The following GRIP1 variants were observed in gnomAD, a reference collection of about 807,000 sequenced individuals.
The protein encoded by GRIP1 is glutamate receptor-interacting protein 1.
GRIP1 carries 45 observed loss-of-function variants against 129.9 expected under a neutral mutation model. The observed-to-expected ratio is 0.35, with a 90% CI of 0.27 to 0.44. The LOEUF is 0.44. Among genes scored for constraint, GRIP1 ranks in the 20% least tolerant of loss-of-function variants. The pLI is 1.00. For missense variants in GRIP1, 1,196 were observed against 1,396.8 expected, an observed-to-expected ratio of 0.86 and a Z score of 2.29; for synonymous variants, 530 against 520.8, an observed-to-expected ratio of 1.02 and a Z score of -0.24.
At chr12:66,456,657 CA>C (rs2058974487) in intron 9 of GRIP1, among the ~76,000 whole-genome samples, 1 of 123,770 alleles carries the variant, frequency 8.1e-6, no homozygotes, top group Non-Finnish European at 1.8e-5. Context: ...AGATTAAGAA[CA>C]TTTTTTTTAA....
intron 2 of GRIP1, among the ~76,000 whole-genome samples, chr12:66,581,730 C>G (rs141784004): frequency 0.23 from 34,680 of 151,856 alleles, 4,220 homozygotes; most frequent in Admixed American, 0.27. Flanking sequence ...CTGAATAGAC[C>G]AATAACAGGA....
intron 1 of GRIP1, among the ~76,000 whole-genome samples, chr12:66,745,335 A>C (rs2036911543): frequency 6.6e-6 from 1 of 152,232 alleles, no homozygotes; most frequent in Non-Finnish European, 1.5e-5. Context: ...AAGCTGAAGA[A>C]AGACAAGGTA....
intron 1 of GRIP1, among the ~76,000 whole-genome samples, chr12:66,663,312 T>A (rs1054049837): frequency 2.6e-5 from 4 of 152,160 alleles, no homozygotes; most frequent in African/African-American, 9.7e-5. Flanking sequence ...TATTCATCTA[T>A]ATGGGGGGAA....
At chr12:66,975,453 C>G (rs2137594046) in intron 1 of GRIP1, among the ~76,000 whole-genome samples, 1 of 152,266 alleles carries the variant, frequency 6.6e-6, no homozygotes, top group South Asian at 2.1e-4. Context: ...CTACAAATAG[C>G]AAATTTGTGT....
chr12:66,530,582 A>C (rs994518314), intron 4 of GRIP1, among the ~76,000 whole-genome samples: 9 of 152,170 alleles, frequency 5.9e-5, no homozygotes, highest in African/African-American at 9.6e-5. Context: ...ACAAAATGGA[A>C]TTGTATTGTC....
intron 1 of GRIP1, among the ~76,000 whole-genome samples, chr12:66,930,242 G>A (rs1394354575): frequency 7.2e-6 from 1 of 138,760 alleles, no homozygotes; most frequent in East Asian, 2.1e-4. Flanking sequence ...ATCTCCCGAT[G>A]CTATCCCTCC....
At chr12:66,639,576 T>C (rs1354673691) in intron 1 of GRIP1, among the ~76,000 whole-genome samples, 1 of 152,130 alleles carries the variant, frequency 6.6e-6, no homozygotes, top group Non-Finnish European at 1.5e-5. Context: ...AGGTGGGTTG[T>C]GAAGAGATTA....
chr12:67,038,377 A>G (rs1188125103), intron 1 of GRIP1, among the ~76,000 whole-genome samples: 1 of 152,164 alleles, frequency 6.6e-6, no homozygotes, highest in Non-Finnish European at 1.5e-5. Flanking sequence ...CTGAATTCCA[A>G]TTGGTGTTTG....
chr12:66,470,904 TA>T (rs34044642), intron 7 of GRIP1, among the ~76,000 whole-genome samples: 86,149 of 152,084 alleles, frequency 0.57, 25,492 homozygotes, highest in Middle Eastern at 0.73. Context: ...CAGAAAAGCC[TA>T]AAGTGATGAG....
At chr12:67,012,106 A>G (rs1008145311) in intron 1 of GRIP1, among the ~76,000 whole-genome samples, 1 of 152,200 alleles carries the variant, frequency 6.6e-6, no homozygotes, top group Non-Finnish European at 1.5e-5. Context: ...GCAGTTGTTG[A>G]ATGGATAAAA....
chr12:66,977,200 CT>C (rs554293693), intron 1 of GRIP1, among the ~76,000 whole-genome samples: 1,397 of 139,412 alleles, frequency 0.01, 13 homozygotes, highest in African/African-American at 0.028. Flanking sequence ...TTAGGTCAAA[CT>C]TTTTTTTTTT....
At chr12:66,466,270 C>T (rs957736756) in intron 7 of GRIP1, among the ~76,000 whole-genome samples, 23 of 152,164 alleles carry the variant, frequency 1.5e-4, no homozygotes, top group African/African-American at 4.3e-4. Flanking sequence ...CCAGTACGGA[C>T]GACATGCCTG....
At position 66,998,896 on chromosome 12, in the gene GRIP1, T is replaced by C. The variant is rs187881843; in HGVS notation, c.58+70154A>G. On this transcript the variant is annotated intron_variant, in intron 1 of 1. Coordinates refer to the GRIP1 transcript ENST00000643019. ...TTAAAACATGCTCCAATGCCTTCTT[T>C]TAAAAAGTACGAGCATTTGAGCCTA... is the stretch of plus-strand genomic sequence containing the variant. Among the ~76,000 whole-genome samples, 134 of 152,278 alleles carry C rather than the reference T, an allele frequency of 8.8e-4. 1 individual carries two copies. The highest frequency in any genetic ancestry group is 1.0e-4 in the Non-Finnish European group (7 of 68,018).
intron 1 of GRIP1, among the ~76,000 whole-genome samples, chr12:67,010,822 C>G (rs559953520): frequency 1.3e-5 from 2 of 152,080 alleles, no homozygotes; most frequent in Admixed American, 1.3e-4. Context: ...TGTCTCCCCC[C>G]CAGCGCAGGA....
At chr12:66,842,167 GA>G (rs1285503604) in intron 1 of GRIP1, among the ~76,000 whole-genome samples, 1 of 151,670 alleles carries the variant, frequency 6.6e-6, no homozygotes, top group Non-Finnish European at 1.5e-5. Context: ...AAATTACCCA[GA>G]AAAAAACAAA....
At chr12:66,390,090 C>T (rs964869688) in intron 19 of GRIP1, among the ~76,000 whole-genome samples, 3 of 152,218 alleles carry the variant, frequency 2.0e-5, no homozygotes, top group East Asian at 3.9e-4. Context: ...ATCAGAGCTA[C>T]GTGGAGATGG....
chr12:66,411,181 C>T (rs1378326213), intron 15 of GRIP1, among the ~76,000 whole-genome samples: 3 of 152,116 alleles, frequency 2.0e-5, no homozygotes, highest in East Asian at 1.9e-4. Flanking sequence ...TCCCTGATAC[C>T]GTTCCTCCTG....
At position 66,463,062 on chromosome 12, in the gene GRIP1, G is replaced by A. The variant is rs1279717060; in HGVS notation, c.904C>T (p.Leu302Phe). 6.2e-7 allele frequency: 1 copy of A among 1,613,604 alleles called. No homozygotes were observed. The highest frequency in any genetic ancestry group is 8.5e-7 in the Non-Finnish European group (1 of 1,179,618). ...CGALHVGDHI[L>F]SIDGTSMEYC... ...TCCATGCTGGTTCCATCGATGGAGA[G>A]GATGTGATCTCCCACATGCAATGCG... The change falls in exon 9 of 25, where the codon CTC becomes TTC. Residue 302 changes from leucine to phenylalanine, a missense_variant. Leu to Phe is a conservative substitution (Grantham distance 22, BLOSUM62 0). Transcript: ENST00000359742.
At chr12:66,658,885 T>C (rs528904639) in intron 1 of GRIP1, among the ~76,000 whole-genome samples, 4 of 151,810 alleles carry the variant, frequency 2.6e-5, no homozygotes, top group South Asian at 2.1e-4. Flanking sequence ...GATCATGCCA[T>C]TGCACTCCAG....
Sources: allele counts gnomAD v4.1 joint callset (sites outside exome capture counted in the v4.1 genomes callset), GRCh38; gene constraint gnomAD v4.1.1; transcripts MANE v1.5; gene names NCBI Gene and HGNC (gene_info 2026-07-23, HGNC 2026-07-21).